Variants in ABL1 observed in about 807,000 individuals in gnomAD.
ABL1 encodes tyrosine-protein kinase ABL1.
A neutral mutation model predicts 94.7 loss-of-function variants in ABL1; 11 were observed. That is an observed-to-expected ratio of 0.12 (90% CI 0.07 to 0.19). The LOEUF (loss-of-function observed/expected upper bound fraction) is 0.19, where lower values mean the gene tolerates loss of function less well. Among genes scored for constraint, ABL1 ranks in the 10% least tolerant of loss-of-function variants. ABL1 has a pLI of 1.00. For synonymous variants in ABL1, 656 were observed against 622.4 expected, an observed-to-expected ratio of 1.05 and a Z score of -0.80; for missense variants, 1,082 against 1,489.4, an observed-to-expected ratio of 0.73 and a Z score of 4.50.
At chr9:130,753,285 A>G (rs1268570946) in intron 1 of ABL1, among the ~76,000 whole-genome samples, 2 of 152,002 alleles carry the variant, frequency 1.3e-5, no homozygotes, top group African/African-American at 2.4e-5. Context: ...GGTAGCTCCT[A>G]CTTGTGCTGC....
intron 4 of ABL1, among the ~76,000 whole-genome samples, chr9:130,866,096 C>T (rs1272682741): frequency 6.6e-6 from 1 of 152,058 alleles, no homozygotes; most frequent in African/African-American, 2.4e-5. Flanking sequence ...ATCTGAGCTC[C>T]GAAACACTTG....
exon 1 of ABL1, among the ~76,000 whole-genome samples, chr9:130,713,780 C>T (rs758180942): frequency 6.6e-6 from 1 of 152,206 alleles, no homozygotes; most frequent in Non-Finnish European, 1.5e-5. Context: ...TCGCTGAAAT[C>T]TGGGTGACCC....
chr9:130,818,702 C>T (rs570590851), intron 1 of ABL1, among the ~76,000 whole-genome samples: 3 of 152,240 alleles, frequency 2.0e-5, no homozygotes, highest in African/African-American at 4.8e-5. Context: ...ATAGGGGTTT[C>T]GGATGTTCTA....
At chr9:130,787,986 T>C (rs1005760771) in intron 1 of ABL1, among the ~76,000 whole-genome samples, 2 of 139,442 alleles carry the variant, frequency 1.4e-5, no homozygotes, top group African/African-American at 3.2e-5. Flanking sequence ...TTTTTCTTTT[T>C]GTTGGGTTGA....
intron 1 of ABL1, among the ~76,000 whole-genome samples, chr9:130,765,600 G>A (rs1832173192): frequency 6.6e-6 from 1 of 152,120 alleles, no homozygotes; most frequent in Admixed American, 6.5e-5. Flanking sequence ...AAGGTCTACT[G>A]GGTACGTCAG....
At chr9:130,803,387 C>G (rs925151534) in intron 1 of ABL1, among the ~76,000 whole-genome samples, 1 of 152,164 alleles carries the variant, frequency 6.6e-6, no homozygotes, top group African/African-American at 2.4e-5. Context: ...CTGAGCCACC[C>G]AGCCAAAAAT....
chr9:130,859,117 G>A (rs1207057782), intron 3 of ABL1, among the ~76,000 whole-genome samples: 2 of 152,126 alleles, frequency 1.3e-5, no homozygotes, highest in Admixed American at 6.6e-5. Context: ...TTGACATAGC[G>A]GAATTGAAGA....
intron 1 of ABL1, among the ~76,000 whole-genome samples, chr9:130,766,557 C>A (rs1422062470): frequency 6.6e-6 from 1 of 152,156 alleles, no homozygotes; most frequent in Admixed American, 6.5e-5. Flanking sequence ...TCCCACCAAA[C>A]CTGGCCTTGT....
At chr9:130,765,229 C>T (rs1284021166) in intron 1 of ABL1, among the ~76,000 whole-genome samples, 1 of 152,042 alleles carries the variant, frequency 6.6e-6, no homozygotes, top group Admixed American at 6.6e-5. Context: ...AGGTCCATAT[C>T]CTTCATCAGC....
intron 1 of ABL1, among the ~76,000 whole-genome samples, chr9:130,731,979 A>G (rs1487467984): frequency 6.6e-6 from 1 of 151,918 alleles, no homozygotes; most frequent in African/African-American, 2.4e-5. Context: ...TCAACTTTCA[A>G]AATACCTGCT....
chr9:130,870,478 C>T (rs183927621), intron 4 of ABL1, among the ~76,000 whole-genome samples: 12 of 152,310 alleles, frequency 7.9e-5, no homozygotes, highest in Middle Eastern at 6.8e-3. Context: ...TATTGTTGAT[C>T]AAGCAAGATT....
intron 1 of ABL1, among the ~76,000 whole-genome samples, chr9:130,776,633 G>T (rs931633753): frequency 2.0e-5 from 3 of 151,988 alleles, no homozygotes; most frequent in Admixed American, 1.3e-4. Flanking sequence ...TTTGGGGGCT[G>T]CCTGTTGGTG....
rs1830284116 is a variant in ABL1 at position 130,816,191 on chromosome 9, T to G, written c.137-37873T>G. Among the ~76,000 whole-genome samples the G allele has an allele frequency of 1.3e-5, 2 of 152,108 alleles. 1 individual carries two copies. Among genetic ancestry groups the G allele is most frequent in the Middle Eastern group, 6.3e-3 (2 of 316 alleles). On this transcript the variant is annotated intron_variant, in intron 1 of 10. Transcript: ENST00000372348. The stretch of plus-strand genomic sequence containing the variant: ...TTGCTCTTGCTTGAATGATCCCCAG[T>G]CATCCTCCCTGCCCAGGGCCTTTGC...
intron 1 of ABL1, among the ~76,000 whole-genome samples, chr9:130,788,395 A>G (rs1829860157): frequency 6.6e-6 from 1 of 152,210 alleles, no homozygotes. Context: ...AGGTCACAAC[A>G]TTTTGTCCTT....
At chr9:130,834,753 G>A (rs1214611242), upstream of ABL1, 1 of 415,594 alleles carries the variant, frequency 2.4e-6, no homozygotes, top group South Asian at 1.7e-5. Flanking sequence ...TGTCCTGTGG[G>A]TGCCAGCTCT....
At chr9:130,866,532 G>A (rs1480937364) in intron 4 of ABL1, among the ~76,000 whole-genome samples, 1 of 152,012 alleles carries the variant, frequency 6.6e-6, no homozygotes, top group East Asian at 1.9e-4. Flanking sequence ...CTTCTCCAAG[G>A]GCAGAGCCAG....
intron 8 of ABL1, 113 bp downstream of exon 8, chr9:130,878,680 A>C: frequency 1.5e-6 from 2 of 1,291,750 alleles, no homozygotes; most frequent in Non-Finnish European, 2.2e-6. Context: ...TCTCCATTCC[A>C]GTTCTTCAGA....
intron 1 of ABL1, among the ~76,000 whole-genome samples, chr9:130,823,511 G>A (rs139460225): frequency 6.6e-6 from 1 of 152,224 alleles, no homozygotes; most frequent in Non-Finnish European, 1.5e-5. Flanking sequence ...CGCGGTCCTG[G>A]AGGGGCACGA....
chr9:130,741,091 C>T (rs1001129651), intron 1 of ABL1, among the ~76,000 whole-genome samples: 1 of 152,128 alleles, frequency 6.6e-6, no homozygotes, highest in Non-Finnish European at 1.5e-5. Context: ...TAAGGAGCCA[C>T]ATCCCTGCTC....
Sources: gnomAD v4.1 joint callset for allele counts (sites outside exome capture counted in the v4.1 genomes callset) on GRCh38, gnomAD v4.1.1 for gene constraint, MANE v1.5 for transcripts, NCBI Gene and HGNC (gene_info 2026-07-23, HGNC 2026-07-21) for gene names.